The following SFMBT1 variants were observed in gnomAD, a reference collection of about 807,000 sequenced individuals.
SFMBT1 encodes the protein Scm like with four mbt domains 1.
Under a neutral mutation model 108.7 loss-of-function variants are expected in SFMBT1, and 32 were observed. The observed-to-expected ratio is 0.29, with a 90% CI of 0.22 to 0.40. SFMBT1 has a LOEUF of 0.40. Among genes scored for constraint, SFMBT1 ranks in the 10% least tolerant of loss-of-function variants. The pLI, the probability that SFMBT1 is intolerant of heterozygous loss-of-function variation, is 1.00. For synonymous variants in SFMBT1, 348 were observed against 369.5 expected, an observed-to-expected ratio of 0.94 and a Z score of 0.67; for missense variants, 816 against 1,059.6, an observed-to-expected ratio of 0.77 and a Z score of 3.19.
chr3:53,012,280 G>A (rs1698968275), intron 1 of SFMBT1, among the ~76,000 whole-genome samples: 1 of 152,218 alleles, frequency 6.6e-6, no homozygotes, highest in South Asian at 2.1e-4. Context: ...GGGTGGCTGA[G>A]AAGAGAAGGA....
At chr3:52,951,126 A>AAAGAAAG (rs1703572326) in intron 3 of SFMBT1, among the ~76,000 whole-genome samples, 1 of 134,198 alleles carries the variant, frequency 7.5e-6, no homozygotes, top group East Asian at 2.3e-4. Context: ...TAAAAAAAAA[A>AAAGAAAG]AAAAAAGAAA....
At chr3:52,931,472 T>C (rs1168780544) in intron 6 of SFMBT1, among the ~76,000 whole-genome samples, 1 of 152,118 alleles carries the variant, frequency 6.6e-6, no homozygotes, top group African/African-American at 2.4e-5. Flanking sequence ...CAAGGGTCAG[T>C]ATGGGTTGGC....
rs149020052 is a variant in SFMBT1 at position 52,917,481 on chromosome 3, C to T, written c.1415+1003G>A. Reference sequence around the variant, plus strand: ...CTGCTAGCCAGGGAGAATGCCCTCACTAGGAAGCAATCTACCAGCACCTTG... The same window carrying T: ...CTGCTAGCCAGGGAGAATGCCCTCATTAGGAAGCAATCTACCAGCACCTTG... On this transcript the variant is annotated intron_variant, in intron 13 of 20. Transcript: ENST00000394752. 4.0e-3 allele frequency among the ~76,000 whole-genome samples: 612 copies of T among 152,236 alleles called. 3 individuals carry two copies. The highest frequency in any genetic ancestry group is 6.8e-3 in the Middle Eastern group (2 of 294).
intron 18 of SFMBT1, 41 bp downstream of exon 18, chr3:52,907,514 C>T (rs775467173): frequency 6.3e-6 from 10 of 1,588,582 alleles, no homozygotes; most frequent in Non-Finnish European, 8.5e-6. Context: ...GCAGTGGTCA[C>T]TTGGCTTCAA....
At chr3:52,991,843 C>T (rs2564937) in intron 1 of SFMBT1, among the ~76,000 whole-genome samples, 52,964 of 151,924 alleles carry the variant, frequency 0.35, 10,296 homozygotes, top group East Asian at 0.54. Context: ...TCTGCCAGCA[C>T]CTTGATTTTG....
chr3:53,010,015 T>C (rs1448194018), intron 1 of SFMBT1, among the ~76,000 whole-genome samples: 1 of 152,186 alleles, frequency 6.6e-6, no homozygotes, highest in East Asian at 1.9e-4. Flanking sequence ...ATTTGCCCTG[T>C]GCTGTTCAAG....
intron 1 of SFMBT1, among the ~76,000 whole-genome samples, chr3:53,042,240 G>A (rs1362263003): frequency 5.9e-5 from 9 of 152,192 alleles, no homozygotes; most frequent in Non-Finnish European, 1.3e-4. Flanking sequence ...GATACCTGCT[G>A]CTACACCACC....
chr3:52,957,514 C>A (rs1703819473), intron 2 of SFMBT1, among the ~76,000 whole-genome samples: 1 of 152,172 alleles, frequency 6.6e-6, no homozygotes, highest in African/African-American at 2.4e-5. Context: ...CCAAGACAAT[C>A]CTAAGCAAAA....
chr3:53,027,622 T>C (rs947912708), intron 1 of SFMBT1, among the ~76,000 whole-genome samples: 1 of 152,230 alleles, frequency 6.6e-6, no homozygotes, highest in African/African-American at 2.4e-5. Flanking sequence ...GCCTACCATC[T>C]GCCCCAGAGG....
chr3:53,007,056 A>G (rs1255683506), intron 1 of SFMBT1, among the ~76,000 whole-genome samples: 2 of 152,330 alleles, frequency 1.3e-5, no homozygotes, highest in African/African-American at 4.8e-5. Flanking sequence ...CCCTGATCCC[A>G]GCAGACACAT....
At chr3:53,013,676 C>T (rs368886018) in intron 1 of SFMBT1, among the ~76,000 whole-genome samples, 1 of 115,082 alleles carries the variant, frequency 8.7e-6, no homozygotes, top group African/African-American at 3.6e-5. Context: ...TCACCCAGGC[C>T]GGAGTGCAAT....
At chr3:52,919,957 A>G (rs1251277074) in intron 12 of SFMBT1, among the ~76,000 whole-genome samples, 1 of 152,344 alleles carries the variant, frequency 6.6e-6, no homozygotes, top group South Asian at 2.1e-4. Flanking sequence ...ATCATGTCAC[A>G]AGGGCAGAAC....
chr3:52,927,937 T>C (rs1231688011), intron 9 of SFMBT1, among the ~76,000 whole-genome samples: 2 of 152,104 alleles, frequency 1.3e-5, no homozygotes, highest in Non-Finnish European at 2.9e-5. Context: ...TTCCAGGGGG[T>C]TATGAGGACA....
intron 4 of SFMBT1, among the ~76,000 whole-genome samples, chr3:52,942,812 G>C (rs1703230739): frequency 6.6e-6 from 1 of 152,222 alleles, no homozygotes; most frequent in African/African-American, 2.4e-5. Context: ...ACCCCGCCCA[G>C]ACAACTCACG....
At chr3:52,963,977 T>C (rs1704049378) in intron 2 of SFMBT1, among the ~76,000 whole-genome samples, 1 of 152,092 alleles carries the variant, frequency 6.6e-6, no homozygotes, top group Non-Finnish European at 1.5e-5. Flanking sequence ...AAGCATAAAA[T>C]CAAAGAAGAA....
chr3:52,929,428 G>A (rs1355741284), intron 8 of SFMBT1, among the ~76,000 whole-genome samples: 3 of 152,140 alleles, frequency 2.0e-5, no homozygotes, highest in Admixed American at 6.5e-5. Context: ...TAGTAGAGAT[G>A]GGGTTTCTCC....
Position 52,962,808 on chromosome 3 carries a change from C to CCAAAAAAAAAA in SFMBT1, c.28+6292_28+6293insTTTTTTTTTTG, listed in dbSNP as rs1704007442. 1.1e-4 allele frequency among the ~76,000 whole-genome samples: 11 copies of CCAAAAAAAAAA among 101,406 alleles called. 1 individual carries two copies. The South Asian group carries it at 4.4e-3, about 41-fold the overall frequency. 66.5% of individuals were successfully genotyped at this position (101,406 alleles called of 152,430 possible). A position where few individuals can be genotyped will look rare whatever the true frequency, so the allele number is the denominator to read the frequency against. ...GGTGACAGAGCAAGGCTCCCTGTCTCAAAAAAAAAAAAAAAAGGAGAGGGA... is the reference window on the plus strand; with the variant it reads ...GGTGACAGAGCAAGGCTCCCTGTCTCCAAAAAAAAAAAAAAAAAAAAAAAAAAGGAGAGGGA... On this transcript the variant is annotated intron_variant, in intron 2 of 20. Coordinates refer to ENST00000394752, the MANE Select transcript of SFMBT1 (RefSeq NM_016329.4).
At chr3:52,916,942 A>G (rs1702376436) in intron 13 of SFMBT1, among the ~76,000 whole-genome samples, 1 of 152,164 alleles carries the variant, frequency 6.6e-6, no homozygotes, top group Admixed American at 6.5e-5. Flanking sequence ...TTCGTCCATC[A>G]GTTTTCAAAT....
chr3:53,026,044 T>C (rs1699479666), intron 1 of SFMBT1, among the ~76,000 whole-genome samples: 1 of 152,216 alleles, frequency 6.6e-6, no homozygotes, highest in Non-Finnish European at 1.5e-5. Context: ...TCAGAAAAAG[T>C]TCTACCCCCA....
Sources: gnomAD v4.1 joint callset for allele counts (sites outside exome capture counted in the v4.1 genomes callset) on GRCh38, gnomAD v4.1.1 for gene constraint, MANE v1.5 for transcripts, NCBI Gene and HGNC (gene_info 2026-07-23, HGNC 2026-07-21) for gene names.